ADGRB3: variants seen among roughly 807,000 people sequenced by gnomAD.
The protein encoded by ADGRB3 is adhesion G protein-coupled receptor B3, also known as brain-specific angiogenesis inhibitor 3.
A neutral mutation model predicts 193.4 loss-of-function variants in ADGRB3; 37 were observed. That is an observed-to-expected ratio of 0.19 (90% confidence interval 0.15 to 0.25). The LOEUF is 0.25. Among genes scored for constraint, ADGRB3 ranks in the 10% least tolerant of loss-of-function variants. The pLI is 1.00. For synonymous variants in ADGRB3, 690 were observed against 644.2 expected, an observed-to-expected ratio of 1.07 and a Z score of -1.08; for missense variants, 1,637 against 1,852.9, an observed-to-expected ratio of 0.88 and a Z score of 2.14.
chr6:68,783,291 A>AATATATATAT lies in ADGRB3; in HGVS notation c.757+143867_757+143876dup, dbSNP rs72235249. On this transcript the variant is annotated intron_variant, in intron 3 of 31. Coordinates refer to ENST00000370598, the MANE Select transcript of ADGRB3 (RefSeq NM_001704.3). ...AACACTGCCCTATATTGCCTCCCTA[A>AATATATATAT]ATATATATATATATATAACATACAT... 3.3e-3 allele frequency among the ~76,000 whole-genome samples: 472 copies of AATATATATAT among 144,054 alleles called. 1 individual carries two copies. Among genetic ancestry groups the AATATATATAT allele is most frequent in the South Asian group, 0.013 (60 of 4,584 alleles). 94.5% of individuals were successfully genotyped at this position (144,054 alleles called of 152,430 possible). A position where few individuals can be genotyped will look rare whatever the true frequency, so the allele number is the denominator to read the frequency against.
chr6:68,959,338 CTTTG>C (rs1044585867), intron 8 of ADGRB3, among the ~76,000 whole-genome samples: 8 of 152,088 alleles, frequency 5.3e-5, no homozygotes, highest in African/African-American at 1.9e-4. Flanking sequence ...GCATCTTTGT[CTTTG>C]TGTTAACAAC....
chr6:68,929,348 T>A (rs1167872560), intron 3 of ADGRB3, among the ~76,000 whole-genome samples: 2 of 152,172 alleles, frequency 1.3e-5, no homozygotes, highest in South Asian at 2.1e-4. Flanking sequence ...CTGTAAAAAA[T>A]TTCTGACACA....
At chr6:69,145,441 G>T (rs1042095223) in intron 17 of ADGRB3, among the ~76,000 whole-genome samples, 1 of 152,200 alleles carries the variant, frequency 6.6e-6, no homozygotes, top group East Asian at 1.9e-4. Flanking sequence ...CACAGCCCTG[G>T]CTCAGGGAGC....
At chr6:68,666,612 A>C (rs532610342) in intron 3 of ADGRB3, among the ~76,000 whole-genome samples, 6 of 151,860 alleles carry the variant, frequency 4.0e-5, no homozygotes. Flanking sequence ...TATTTTGAGA[A>C]AAATTTTATT....
In ADGRB3 at chr6:68,667,060, C is replaced by A. The variant is rs572490698; in HGVS notation, c.757+27628C>A. ...CTGTATAGTCAAACTGCATTATAAA[C>A]CATGCCAGAATATATAGAATTATAT... On this transcript the variant is annotated intron_variant, in intron 3 of 31. Transcript: ENST00000370598. 5.3e-5 allele frequency among the ~76,000 whole-genome samples: 8 copies of A among 151,708 alleles called. No homozygotes were observed. In the East Asian group the frequency reaches 1.4e-3, roughly 26 times the overall value.
intron 3 of ADGRB3, among the ~76,000 whole-genome samples, chr6:68,855,744 G>A (rs1764969676): frequency 6.6e-6 from 1 of 152,026 alleles, no homozygotes; most frequent in African/African-American, 2.4e-5. Flanking sequence ...TAGTCCAGGG[G>A]GCACTGACTC....
intron 3 of ADGRB3, among the ~76,000 whole-genome samples, chr6:68,684,242 A>G (rs947127771): frequency 9.2e-5 from 14 of 152,078 alleles, no homozygotes; most frequent in Admixed American, 3.3e-4. Flanking sequence ...TCTGGATTTA[A>G]TCTACTTGGT....
chr6:69,311,416 G>C (rs981851244), intron 20 of ADGRB3, among the ~76,000 whole-genome samples: 3 of 151,694 alleles, frequency 2.0e-5, no homozygotes, highest in African/African-American at 7.3e-5. Flanking sequence ...TTTTTCCGAT[G>C]GTAATGAGCT....
chr6:69,004,851 G>A (rs1769699656), intron 11 of ADGRB3, among the ~76,000 whole-genome samples: 2 of 152,118 alleles, frequency 1.3e-5, no homozygotes, highest in African/African-American at 4.8e-5. Flanking sequence ...AATCTTGAAG[G>A]ACTATGAGAA....
At chr6:68,852,866 G>A (rs1768434573) in intron 3 of ADGRB3, among the ~76,000 whole-genome samples, 1 of 151,926 alleles carries the variant, frequency 6.6e-6, no homozygotes, top group Non-Finnish European at 1.5e-5. Context: ...GTTTTAAGTA[G>A]AAAATATTGG....
At position 69,269,189 on chromosome 6, in the gene ADGRB3, G is replaced by A. The variant is rs150876529; in HGVS notation, c.2814+29963G>A. 2.7e-3 allele frequency among the ~76,000 whole-genome samples: 408 copies of A among 152,148 alleles called. 4 individuals carry two copies. The highest frequency in any genetic ancestry group is 9.5e-3 in the African/African-American group (395 of 41,534). ...GCCCAAGGTCATATAACTAGTACAA[G>A]TCAGAATCAAGTATTGAACTTAGGT... On this transcript the variant is annotated intron_variant, in intron 20 of 31. Coordinates refer to ENST00000370598, the MANE Select transcript of ADGRB3 (RefSeq NM_001704.3).
intron 3 of ADGRB3, among the ~76,000 whole-genome samples, chr6:68,691,890 A>T (rs1243702826): frequency 6.6e-6 from 1 of 151,668 alleles, no homozygotes; most frequent in Non-Finnish European, 1.5e-5. Context: ...TACTTAATAT[A>T]TAGCCTCCAT....
chr6:68,664,674 A>G (rs1582108257), intron 3 of ADGRB3, among the ~76,000 whole-genome samples: 1 of 151,908 alleles, frequency 6.6e-6, no homozygotes, highest in Non-Finnish European at 1.5e-5. Context: ...GAATCCTACT[A>G]TTTTTATGCT....
intron 17 of ADGRB3, among the ~76,000 whole-genome samples, chr6:69,217,383 A>G (rs552763082): frequency 5.3e-5 from 8 of 152,272 alleles, no homozygotes; most frequent in South Asian, 2.1e-4. Flanking sequence ...TAAAACTTGT[A>G]TGGGAGAAAA....
In ADGRB3 at chr6:68,936,666, C is replaced by T; in HGVS notation, c.1016C>T (p.Thr339Ile). Residue 339 changes from threonine (T) to isoleucine (I), a missense_variant, in exon 5 of 32, where the codon ACT becomes ATT. Physicochemically the swap from Thr to Ile is moderately conservative, Grantham distance 89. This residue lies in a region of ADGRB3 where 365 missense variants were observed against 409.8 expected (regional missense o/e 0.89). Transcript: ENST00000370598. ...AGAGAATCAAGGGTTTGCAATAACA[C>T]TGCCCTCTGTCCAGGTAGTGTTAGC... ...PLRESRVCNNTALCPVHGVWE... is the reference protein window; with the variant it reads ...PLRESRVCNNIALCPVHGVWE... 1.9e-6 allele frequency: 3 copies of T among 1,613,154 alleles called. No homozygotes were observed. Among genetic ancestry groups the T allele is most frequent in the Non-Finnish European group, 2.5e-6 (3 of 1,179,674 alleles).
At chr6:69,023,637 A>G (rs1324966173) in intron 13 of ADGRB3, among the ~76,000 whole-genome samples, 3 of 152,156 alleles carry the variant, frequency 2.0e-5, no homozygotes, top group African/African-American at 7.2e-5. Context: ...GATAATAGGG[A>G]GTCACTGAAT....
intron 16 of ADGRB3, among the ~76,000 whole-genome samples, chr6:69,073,065 TCCTTTACTCAGTA>T (rs913484186): frequency 1.3e-5 from 2 of 152,214 alleles, no homozygotes; most frequent in African/African-American, 2.4e-5. Flanking sequence ...CCCCCATTTG[TCCTTTACTCAGTA>T]AACTATGGCT....
rs534273498 is a variant in ADGRB3 at position 68,728,829 on chromosome 6, T to C, written c.757+89397T>C. On this transcript the variant is annotated intron_variant, in intron 3 of 31. Coordinates refer to ENST00000370598, the MANE Select transcript of ADGRB3 (RefSeq NM_001704.3). ...CTCCAGGATCCCGGAACCTTGCCAA[T>C]AAACTGTATTATGTGGCCTTGATTT... Among the ~76,000 whole-genome samples, 5 of 151,686 alleles carry C rather than the reference T, an allele frequency of 3.3e-5. No individual in the cohort carries two copies. The South Asian group carries it at 1.0e-3, about 31-fold the overall frequency.
chr6:69,372,363 C>A, intron 29 of ADGRB3, 43 bp from the exon 30 acceptor site: 1 of 1,152,958 alleles, frequency 8.7e-7, no homozygotes. Flanking sequence ...CTAAACATAA[C>A]TTTATTGGTT....
Sources: gnomAD v4.1 joint callset for allele counts (sites outside exome capture counted in the v4.1 genomes callset) on GRCh38, gnomAD v4.1.1 for gene constraint, gnomAD v4.1.1 regional missense constraint, MANE v1.5 for transcripts, NCBI Gene and HGNC (gene_info 2026-07-23, HGNC 2026-07-21) for gene names.